The following YIPF7 variants were observed in gnomAD, a reference collection of about 807,000 sequenced individuals.
YIPF7 encodes Yip1 domain family member 7, also known as protein YIPF7.
In YIPF7, 35 loss-of-function variants were observed where a neutral mutation model predicts 27.2. The observed-to-expected ratio is 1.29, with a 90% CI of 0.98 to 1.70. The LOEUF (loss-of-function observed/expected upper bound fraction) is 1.70. Ranked by LOEUF, YIPF7 falls within the 40% of genes most tolerant of loss-of-function variation. The pLI, the probability that YIPF7 is intolerant of heterozygous loss-of-function variation, is 0.00. For synonymous variants in YIPF7, 137 were observed against 110.4 expected, an observed-to-expected ratio of 1.24 and a Z score of -1.51; for missense variants, 358 against 303.7, an observed-to-expected ratio of 1.18 and a Z score of -1.33.
intron 3 of YIPF7, among the ~76,000 whole-genome samples, chr4:44,633,758 T>G (rs1713005621): frequency 6.6e-6 from 1 of 152,046 alleles, no homozygotes. Flanking sequence ...AGGCAATAAT[T>G]AATATGGTTA....
intron 2 of YIPF7, among the ~76,000 whole-genome samples, chr4:44,644,129 T>C (rs915573792): frequency 6.6e-6 from 1 of 152,302 alleles, no homozygotes. Flanking sequence ...TGGTGTGCCC[T>C]GCAAAGCCAC....
At chr4:44,640,048 A>G (rs1363898005) in intron 2 of YIPF7, among the ~76,000 whole-genome samples, 1 of 152,160 alleles carries the variant, frequency 6.6e-6, no homozygotes, top group Admixed American at 6.5e-5. Context: ...AACCTACTAA[A>G]TCATGGCATA....
At chr4:44,647,505 C>A (rs1713569025) in intron 2 of YIPF7, among the ~76,000 whole-genome samples, 1 of 152,136 alleles carries the variant, frequency 6.6e-6, no homozygotes, top group African/African-American at 2.4e-5. Context: ...AGATATCTTT[C>A]ATTGTGGATT....
At position 44,622,270 on chromosome 4, in the gene YIPF7, C is replaced by T; in HGVS notation, c.*144G>A. 4.9e-6 allele frequency: 5 copies of T among 1,027,078 alleles called. No homozygotes were observed. Among genetic ancestry groups the T allele is most frequent in the Non-Finnish European group, 4.2e-6 (3 of 715,002 alleles). The allele number at this position is 1,027,078 out of a possible 1,614,324, so 63.6% of individuals were successfully genotyped here. A position where few individuals can be genotyped will look rare whatever the true frequency, so the allele number is the denominator to read the frequency against. On this transcript the variant is annotated 3_prime_UTR_variant, in exon 6 of 6. Transcript: ENST00000415895. ...AAACCAACAGGCTATTAGAGCACCA[C>T]CCTTAAGTGCTGCTTTGTCTCTCTG...
intron 4 of YIPF7, among the ~76,000 whole-genome samples, chr4:44,626,111 C>T (rs1712624752): frequency 6.6e-6 from 1 of 152,102 alleles, no homozygotes; most frequent in Admixed American, 6.6e-5. Flanking sequence ...ATTCTTCTTC[C>T]TCTGCAGTTG....
chr4:44,650,180 C>A, intron 1 of YIPF7, 79 bp from the exon 2 acceptor site: 1 of 848,654 alleles, frequency 1.2e-6, no homozygotes, highest in South Asian at 1.5e-5. Context: ...CATCAAATGA[C>A]AATGTGATTA....
At chr4:44,660,142 C>T (rs1476547458) in intron 2 of YIPF7, among the ~76,000 whole-genome samples, 1 of 79,044 alleles carries the variant, frequency 1.3e-5, no homozygotes, top group Non-Finnish European at 3.1e-5. Context: ...AAAAACGAAC[C>T]TTACAGTGAC....
chr4:44,633,096 T>A (rs1399184684), intron 3 of YIPF7, among the ~76,000 whole-genome samples: 1 of 152,172 alleles, frequency 6.6e-6, no homozygotes, highest in Non-Finnish European at 1.5e-5. Context: ...GCTGCACGCT[T>A]GTTATGAGAA....
At chr4:44,650,595 C>A (rs1162837115) in intron 1 of YIPF7, among the ~76,000 whole-genome samples, 1 of 151,944 alleles carries the variant, frequency 6.6e-6, no homozygotes, top group African/African-American at 2.4e-5. Context: ...CAAAGCAAAA[C>A]CAAAACCCTA....
chr4:44,650,503 G>GCACACA (rs1422425041), intron 1 of YIPF7, among the ~76,000 whole-genome samples: 9 of 71,104 alleles, frequency 1.3e-4, no homozygotes, highest in African/African-American at 5.0e-4. Context: ...ATGCGCGCGC[G>GCACACA]CGCGCACACA....
chr4:44,646,524 C>T (rs1354481434), intron 2 of YIPF7, among the ~76,000 whole-genome samples: 1 of 152,156 alleles, frequency 6.6e-6, no homozygotes, highest in Admixed American at 6.5e-5. Context: ...CTTTTTTCCA[C>T]ATAATATGAA....
intron 3 of YIPF7, among the ~76,000 whole-genome samples, chr4:44,632,312 G>C (rs977933200): frequency 7.9e-5 from 12 of 152,126 alleles, no homozygotes; most frequent in Admixed American, 1.3e-4. Context: ...TGGTAGTAAA[G>C]TATATGATAC....
At chr4:44,627,551 T>A (rs1712713808) in intron 4 of YIPF7, among the ~76,000 whole-genome samples, 1 of 152,156 alleles carries the variant, frequency 6.6e-6, no homozygotes, top group Admixed American at 6.6e-5. Context: ...GAATTCTGAG[T>A]TAAATCATAC....
chr4:44,652,022 T>A (rs1036695561), upstream of YIPF7, among the ~76,000 whole-genome samples: 30 of 152,202 alleles, frequency 2.0e-4, no homozygotes, highest in African/African-American at 4.8e-5. Context: ...TGTGGTCAAT[T>A]TTATCTAAAT....
rs1712675933 is a variant in YIPF7, at chr4:44,626,941, A to G, written c.427-2159T>C. ...CAGGTGCCTGCCACCACACCTGGCTAATTTTCTGTATTTTTTTTTTTTAGT... is the reference window on the plus strand; with the variant it reads ...CAGGTGCCTGCCACCACACCTGGCTGATTTTCTGTATTTTTTTTTTTTAGT... On this transcript the variant is annotated intron_variant, in intron 4 of 5. Transcript: ENST00000415895. Among the ~76,000 whole-genome samples the G allele has an allele frequency of 8.9e-5, 11 of 123,562 alleles. No individual in the cohort carries two copies. The South Asian group carries it at 3.5e-3, about 39-fold the overall frequency. The allele number at this position is 123,562 out of a possible 152,430, so 81.1% of individuals were successfully genotyped here. A position where few individuals can be genotyped will look rare whatever the true frequency, so the allele number is the denominator to read the frequency against.
chr4:44,630,201 C>T (rs1036790257), intron 3 of YIPF7, among the ~76,000 whole-genome samples: 3 of 152,132 alleles, frequency 2.0e-5, no homozygotes, highest in African/African-American at 7.2e-5. Flanking sequence ...CTCCTGGGCT[C>T]CAGGGAGCCT....
rs1028815700 is a variant in YIPF7, at chr4:44,624,707, G to C, written c.502C>G (p.Leu168Val). ...TACGACACCCCTGAAGAGCTCATCA[G>C]GTTCAGCAAGGCATGAATCACAAGG... ...GCLVIHALLN[L>V]MSSSGVSYGC... Residue 168 changes from leucine to valine, a missense_variant, in exon 5 of 6, where the codon CTG becomes GTG. Transcript: ENST00000415895. 2 of 1,610,692 alleles carry C rather than the reference G, an allele frequency of 1.2e-6. No individual in the cohort carries two copies. The highest frequency in any genetic ancestry group is 2.7e-5 in the African/African-American group (2 of 74,876).
chr4:44,622,588 A>G lies in YIPF7; in HGVS notation c.609-12T>C. On this transcript the variant is annotated splice_polypyrimidine_tract_variant and intron_variant, in intron 5 of 5. Transcript: ENST00000415895. ...TTCCAAAGATGCCCCTGCAGCAAAGACAAAGAAATGATTGCCTGTGCCAGT... is the reference window on the plus strand; with the variant it reads ...TTCCAAAGATGCCCCTGCAGCAAAGGCAAAGAAATGATTGCCTGTGCCAGT... The G allele has an allele frequency of 6.2e-7, 1 of 1,611,778 alleles. No homozygotes were observed. The highest frequency in any genetic ancestry group is 8.5e-7 in the Non-Finnish European group (1 of 1,179,192).
At chr4:44,634,139 G>A (rs563449177) in intron 3 of YIPF7, among the ~76,000 whole-genome samples, 2 of 152,156 alleles carry the variant, frequency 1.3e-5, no homozygotes, top group East Asian at 1.9e-4. Flanking sequence ...CCTTTAAGGC[G>A]TGTTTAAATT....
Sources: allele counts gnomAD v4.1 joint callset (sites outside exome capture counted in the v4.1 genomes callset), GRCh38; gene constraint gnomAD v4.1.1; transcripts MANE v1.5; gene names NCBI Gene and HGNC (gene_info 2026-07-23, HGNC 2026-07-21).